The following ZC3H12B variants were observed in gnomAD, a reference collection of about 807,000 sequenced individuals.
ZC3H12B encodes the protein zinc finger CCCH-type containing 12B, also known as probable ribonuclease ZC3H12B.
In ZC3H12B, 7 loss-of-function variants were observed where a neutral mutation model predicts 43.9. That is an observed-to-expected ratio of 0.16 (90% CI 0.09 to 0.30). The LOEUF is 0.30. ZC3H12B is among the 10% of genes least tolerant of loss of function. ZC3H12B has a pLI of 1.00. For missense variants in ZC3H12B, 475 were observed against 670.2 expected (o/e 0.71, Z 3.22); for synonymous variants, 222 against 241.7 (o/e 0.92, Z 0.76).
At chrX:65,218,821 A>T in the ZC3H12B span, among the ~76,000 whole-genome samples, 1 of 111,419 alleles carries the variant, frequency 9.0e-6, no homozygotes, top group Non-Finnish European at 1.9e-5. Context: ...ACTGCAGCTG[A>T]TGCACTCTTG....
the ZC3H12B span, among the ~76,000 whole-genome samples, chrX:65,158,100 A>G: frequency 9.3e-5 from 10 of 107,902 alleles, no homozygotes. Context: ...AAGGACATGA[A>G]CTCATCATTT....
At chrX:65,444,401 G>A (rs779762999) in intron 3 of ZC3H12B, among the ~76,000 whole-genome samples, 4 of 111,098 alleles carry the variant, frequency 3.6e-5, no homozygotes, top group Non-Finnish European at 5.6e-5. Context: ...TCTCATTGTA[G>A]TGAATAAGTC....
the ZC3H12B span, among the ~76,000 whole-genome samples, chrX:65,331,720 G>A: frequency 1.4e-4 from 16 of 111,013 alleles, no homozygotes; most frequent in Non-Finnish European, 2.6e-4. Context: ...TATATGCTAA[G>A]CAAGGGGTGT....
the ZC3H12B span, among the ~76,000 whole-genome samples, chrX:65,256,357 A>C: frequency 9.3e-6 from 1 of 107,301 alleles, no homozygotes; most frequent in Non-Finnish European, 1.9e-5. Flanking sequence ...CCACAGCACA[A>C]TAAAAATAGA....
At chrX:65,052,442 T>C in the ZC3H12B span, among the ~76,000 whole-genome samples, 1 of 110,683 alleles carries the variant, frequency 9.0e-6, no homozygotes, top group Non-Finnish European at 1.9e-5. Context: ...TTTGTACCCA[T>C]TAAACATACC....
At chrX:65,044,330 G>A in the ZC3H12B span, among the ~76,000 whole-genome samples, 2 of 111,219 alleles carry the variant, frequency 1.8e-5, no homozygotes, top group African/African-American at 6.5e-5. Flanking sequence ...TGAATATCAA[G>A]GAGGTTAATG....
At chrX:65,300,700 G>A in the ZC3H12B span, among the ~76,000 whole-genome samples, 1 of 111,079 alleles carries the variant, frequency 9.0e-6, no homozygotes, top group Non-Finnish European at 1.9e-5. Context: ...CTATACCACC[G>A]CAGCTGATGC....
the ZC3H12B span, among the ~76,000 whole-genome samples, chrX:65,178,898 C>T: frequency 8.9e-6 from 1 of 112,053 alleles, no homozygotes; most frequent in Non-Finnish European, 1.9e-5. Flanking sequence ...ACCAGCAATC[C>T]CATTACTGGG....
chrX:65,042,577 A>G, the ZC3H12B span, among the ~76,000 whole-genome samples: 4 of 112,236 alleles, frequency 3.6e-5, no homozygotes, highest in East Asian at 1.1e-3. Context: ...ATTACTAAGG[A>G]TTAATTTAAG....
intron 2 of ZC3H12B, among the ~76,000 whole-genome samples, chrX:65,385,517 T>G (rs1602356342): frequency 8.9e-6 from 1 of 112,465 alleles, no homozygotes; most frequent in Non-Finnish European, 1.9e-5. Context: ...GAGAGTTTGC[T>G]GAAGTTGCAT....
intron 3 of ZC3H12B, among the ~76,000 whole-genome samples, chrX:65,475,284 T>C (rs1002351593): frequency 1.2e-4 from 13 of 112,193 alleles, no homozygotes; most frequent in African/African-American, 3.6e-4. Flanking sequence ...CTATTTAGCA[T>C]GTGTTTCTTT....
At chrX:65,067,873 A>G in the ZC3H12B span, among the ~76,000 whole-genome samples, 14 of 110,506 alleles carry the variant, frequency 1.3e-4, no homozygotes, top group Admixed American at 1.2e-3. Context: ...AGGCATTGGA[A>G]CTATGAACTT....
At chrX:65,406,387 C>T (rs2066821592) in intron 3 of ZC3H12B, among the ~76,000 whole-genome samples, 1 of 102,081 alleles carries the variant, frequency 9.8e-6, no homozygotes, top group Non-Finnish European at 2.0e-5. Flanking sequence ...AGGAATGAAG[C>T]ATAAAAACCA....
the ZC3H12B span, among the ~76,000 whole-genome samples, chrX:65,202,458 C>T: frequency 2.7e-5 from 3 of 109,522 alleles, no homozygotes; most frequent in Non-Finnish European, 5.7e-5. Flanking sequence ...GCACTCAAAT[C>T]CCAGTAATGC....
At chrX:65,174,577 G>A in the ZC3H12B span, among the ~76,000 whole-genome samples, 46 of 112,033 alleles carry the variant, frequency 4.1e-4, no homozygotes, top group African/African-American at 1.3e-3. Flanking sequence ...TGCCCTGCCA[G>A]CGAGGAGGAA....
At chrX:65,402,258 G>A (rs1364922327) in intron 3 of ZC3H12B, among the ~76,000 whole-genome samples, 2 of 111,855 alleles carry the variant, frequency 1.8e-5, no homozygotes, top group Non-Finnish European at 3.8e-5. Context: ...AGAGTTGAAA[G>A]AACTGTGTGT....
At chrX:65,488,346 T>A (rs1406948254), upstream of ZC3H12B, among the ~76,000 whole-genome samples, 1 of 100,903 alleles carries the variant, frequency 9.9e-6, no homozygotes, top group Non-Finnish European at 2.0e-5. Flanking sequence ...TCCAAATTGT[T>A]GTGATAAGCA....
rs374625728 is a variant in ZC3H12B, at chrX:65,377,223, C to CA, written n.295+8235dup. ...TTTGAAAATATACAGTCCGAGGAGA[C>CA]AAAAAAAAAAGAATAAAAAACAATG... On this transcript the variant is annotated intron_variant and non_coding_transcript_variant, in intron 2 of 5. Transcript: ENST00000617377. Among the ~76,000 whole-genome samples the CA allele has an allele frequency of 9.3e-3, 818 of 88,420 alleles. 35 individuals carry two copies. Among genetic ancestry groups the CA allele is most frequent in the Admixed American group, 0.071 (567 of 7,970 alleles). 76.8% of individuals were successfully genotyped at this position (88,420 alleles called of 115,157 possible).
chrX:65,491,705 TAA>T (rs748640341), intron 1 of ZC3H12B, among the ~76,000 whole-genome samples: 1,140 of 94,204 alleles, frequency 0.012, 27 homozygotes, highest in African/African-American at 0.047. Context: ...AGGCCCTATT[TAA>T]AAAAAAAATA....
Sources: allele counts gnomAD v4.1 joint callset (sites outside exome capture counted in the v4.1 genomes callset), GRCh38; gene constraint gnomAD v4.1.1; transcripts MANE v1.5; gene names NCBI Gene and HGNC (gene_info 2026-07-23, HGNC 2026-07-21).